The following FREM2 variants were observed in gnomAD, a reference collection of about 807,000 sequenced individuals.
FREM2 encodes the protein FRAS1 related extracellular matrix 2.
A neutral mutation model predicts 219.9 loss-of-function variants in FREM2; 119 were observed. The observed-to-expected ratio is 0.54, with a 90% CI of 0.47 to 0.63. The LOEUF (loss-of-function observed/expected upper bound fraction) is 0.63, where lower values mean the gene tolerates loss of function less well. Ranked by LOEUF, FREM2 falls within the 30% of genes least tolerant of loss-of-function variation. The pLI, the probability that FREM2 is intolerant of heterozygous loss-of-function variation, is 0.00. For synonymous variants in FREM2, 1,562 were observed against 1,522.8 expected (o/e 1.03, Z -0.60); for missense variants, 4,030 against 3,993.6 (o/e 1.01, Z -0.25).
At chr13:38,712,923 T>C (rs1278887462) in intron 2 of FREM2, among the ~76,000 whole-genome samples, 1 of 152,218 alleles carries the variant, frequency 6.6e-6, no homozygotes, top group Admixed American at 6.6e-5. Context: ...TCAGATGTGA[T>C]TCTTCTATCA....
chr13:38,747,497 T>TAC (rs35415652), intron 2 of FREM2, among the ~76,000 whole-genome samples: 2,910 of 146,656 alleles, frequency 0.02, 46 homozygotes, highest in African/African-American at 0.047. Flanking sequence ...TATACACAAA[T>TAC]ACACACACAC....
At chr13:38,844,681 A>G (rs867422634) in intron 6 of FREM2, among the ~76,000 whole-genome samples, 1 of 152,174 alleles carries the variant, frequency 6.6e-6, no homozygotes, top group African/African-American at 2.4e-5. Flanking sequence ...TCCTCCCTTA[A>G]CTGCATTTCA....
intron 6 of FREM2, among the ~76,000 whole-genome samples, chr13:38,824,202 T>C (rs7325406): frequency 0.023 from 3,572 of 152,180 alleles, 139 homozygotes; most frequent in African/African-American, 0.082. Flanking sequence ...GAGACAGTTT[T>C]GTCACATAAA....
At chr13:38,711,973 G>A (rs1487713051) in intron 2 of FREM2, among the ~76,000 whole-genome samples, 2 of 144,362 alleles carry the variant, frequency 1.4e-5, no homozygotes, top group Non-Finnish European at 3.0e-5. Flanking sequence ...AGGCTGGAGT[G>A]CAGTGGTGTG....
chr13:38,880,547 G>C lies in FREM2; in HGVS notation c.9270G>C (p.Gly3090=). The C allele has an allele frequency of 6.2e-7, 1 of 1,614,178 alleles. No homozygotes were observed. Among genetic ancestry groups the C allele is most frequent in the Non-Finnish European group, 8.5e-7 (1 of 1,180,022 alleles). Residue 3090 remains glycine, a synonymous_variant, in exon 24 of 24, where the codon GGG becomes GGC. Coordinates refer to ENST00000280481, the MANE Select transcript of FREM2 (RefSeq NM_207361.6). ...GCACCAAGAGGCAGATCCCCCATGGGAGAGCACCTCCAGATGGCATCCTCC... is the reference window on the plus strand; with the variant it reads ...GCACCAAGAGGCAGATCCCCCATGGCAGAGCACCTCCAGATGGCATCCTCC... ...LDRTKRQIPH[G]RAPPDGILPW...
At chr13:38,853,615 G>A (rs1052701515) in intron 11 of FREM2, among the ~76,000 whole-genome samples, 12 of 152,104 alleles carry the variant, frequency 7.9e-5, no homozygotes, top group African/African-American at 2.2e-4. Context: ...AAAAAATGGC[G>A]TCTTCTACAA....
intron 2 of FREM2, among the ~76,000 whole-genome samples, chr13:38,736,353 AG>A (rs1871993742): frequency 6.6e-6 from 1 of 152,224 alleles, no homozygotes; most frequent in African/African-American, 2.4e-5. Flanking sequence ...TTACGTATGA[AG>A]GGAACTTGTT....
At chr13:38,728,929 G>A (rs1160132559) in intron 2 of FREM2, among the ~76,000 whole-genome samples, 2 of 152,184 alleles carry the variant, frequency 1.3e-5, no homozygotes, top group Non-Finnish European at 2.9e-5. Context: ...TCCGCCTCCT[G>A]GGATCAAGCA....
chr13:38,755,159 C>A (rs769158221), intron 2 of FREM2, among the ~76,000 whole-genome samples: 4 of 152,028 alleles, frequency 2.6e-5, no homozygotes, highest in Non-Finnish European at 5.9e-5. Flanking sequence ...CCTCGGCCCC[C>A]CAAAGTGCTG....
At chr13:38,789,203 G>A (rs1874454273) in intron 6 of FREM2, among the ~76,000 whole-genome samples, 1 of 151,822 alleles carries the variant, frequency 6.6e-6, no homozygotes, top group South Asian at 2.1e-4. Context: ...AATTTTGTAG[G>A]TTTGGTAAAA....
intron 6 of FREM2, among the ~76,000 whole-genome samples, chr13:38,811,430 G>A (rs901446973): frequency 3.3e-5 from 5 of 151,882 alleles, no homozygotes; most frequent in Non-Finnish European, 5.9e-5. Context: ...TTTGATGTAA[G>A]CATTTATAGC....
intron 2 of FREM2, among the ~76,000 whole-genome samples, chr13:38,760,503 A>G (rs1389125411): frequency 7.9e-5 from 12 of 152,260 alleles, no homozygotes; most frequent in South Asian, 2.1e-4. Flanking sequence ...TTAGTCATCA[A>G]TAATCCCTGG....
intron 12 of FREM2, 103 bp from the exon 13 acceptor site, chr13:38,857,772 C>A: frequency 1.0e-6 from 1 of 975,656 alleles, no homozygotes; most frequent in Non-Finnish European, 1.6e-6. Context: ...TGCATCATAA[C>A]GAGGCCATGG....
intron 2 of FREM2, among the ~76,000 whole-genome samples, chr13:38,722,340 A>G (rs1046333232): frequency 6.6e-6 from 1 of 151,830 alleles, no homozygotes. Context: ...GATTATAGGC[A>G]TGAGCTATCT....
rs770085948 is a variant in FREM2, at chr13:38,691,999, C to G, written c.4655C>G (p.Thr1552Ser). ...VVSESENKLI[T>S]PFELTVEDRD... ...AGTGAAAGTGAAAACAAGCTGATTACTCCTTTTGAGCTCACTGTCGAAGAC... is the reference window on the plus strand; with the variant it reads ...AGTGAAAGTGAAAACAAGCTGATTAGTCCTTTTGAGCTCACTGTCGAAGAC... Residue 1552 changes from threonine to serine, a missense_variant, in exon 1 of 24, where the codon ACT becomes AGT. Thr to Ser is a moderately conservative substitution (Grantham distance 58, BLOSUM62 1). Transcript: ENST00000280481. 1 of 1,614,234 alleles carries G rather than the reference C, an allele frequency of 6.2e-7. No individual in the cohort carries two copies. Among genetic ancestry groups the G allele is most frequent in the Non-Finnish European group, 8.5e-7 (1 of 1,180,044 alleles).
Position 38,764,353 on chromosome 13 carries a change from C to G in FREM2, c.5313C>G (p.Ile1771Met). The G allele has an allele frequency of 1.2e-6, 2 of 1,608,158 alleles. No homozygotes were observed. Among genetic ancestry groups the G allele is most frequent in the Non-Finnish European group, 1.7e-6 (2 of 1,174,792 alleles). ...YQNFRLNWAWISFEKEYYLVN... is the reference protein window; with the variant it reads ...YQNFRLNWAWMSFEKEYYLVN... Reference sequence around the variant, plus strand: ...ATTTTCGTCTGAATTGGGCATGGATCTCCTTTGAAAAGGAATATTACCTGG... The same window carrying G: ...ATTTTCGTCTGAATTGGGCATGGATGTCCTTTGAAAAGGAATATTACCTGG... Residue 1771 changes from isoleucine (I) to methionine (M), a missense_variant, in exon 3 of 24, where the codon ATC becomes ATG. By Grantham distance (10) the Ile-to-Met change is conservative. Around this residue, in one of 2 missense-constraint regions of FREM2, gnomAD observed 3,102 missense variants for 2,950.7 expected, o/e 1.05. Transcript: ENST00000280481.
At chr13:38,713,613 G>A (rs771475236) in intron 2 of FREM2, among the ~76,000 whole-genome samples, 10 of 152,002 alleles carry the variant, frequency 6.6e-5, no homozygotes, top group Non-Finnish European at 1.0e-4. Context: ...GTGATTTATC[G>A]GTATTCTCTC....
At chr13:38,705,603 A>G (rs1870507439) in intron 2 of FREM2, among the ~76,000 whole-genome samples, 1 of 152,168 alleles carries the variant, frequency 6.6e-6, no homozygotes, top group Non-Finnish European at 1.5e-5. Context: ...CCTCAGCCTC[A>G]GTTTCATTTA....
intron 16 of FREM2, among the ~76,000 whole-genome samples, chr13:38,866,276 C>T (rs1877959213): frequency 6.6e-6 from 1 of 152,062 alleles, no homozygotes; most frequent in South Asian, 2.1e-4. Flanking sequence ...GGGCAGATCA[C>T]CTGAGGTTGG....
Sources: allele counts gnomAD v4.1 joint callset (sites outside exome capture counted in the v4.1 genomes callset), GRCh38; gene constraint gnomAD v4.1.1; regional missense constraint gnomAD v4.1.1; transcripts MANE v1.5; gene names NCBI Gene and HGNC (gene_info 2026-07-23, HGNC 2026-07-21).